CDH12: variants seen among roughly 807,000 people sequenced by gnomAD.
The protein encoded by CDH12 is cadherin 12, also known as cadherin-12.
Under a neutral mutation model 74.1 loss-of-function variants are expected in CDH12, and 41 were observed. The ratio of observed to expected loss-of-function variants is 0.55; its 90% CI spans 0.43 to 0.72. CDH12 has a LOEUF of 0.72. Among genes scored for constraint, CDH12 ranks in the 30% least tolerant of loss-of-function variants. The pLI, the probability that CDH12 is intolerant of heterozygous loss-of-function variation, is 0.00. For missense variants in CDH12, 945 were observed against 977.2 expected, an observed-to-expected ratio of 0.97 and a Z score of 0.44; for synonymous variants, 399 against 355.0, an observed-to-expected ratio of 1.12 and a Z score of -1.39.
intron 6 of CDH12, chr5:21,883,577 G>A (rs878908199): frequency 9.3e-6 from 15 of 1,605,118 alleles, no homozygotes; most frequent in South Asian, 4.4e-5. Flanking sequence ...GAGAAGAGGG[G>A]TTGACCCTGA....
chr5:22,529,478 G>C (rs1737486848), intron 1 of CDH12, among the ~76,000 whole-genome samples: 1 of 152,046 alleles, frequency 6.6e-6, no homozygotes, highest in Non-Finnish European at 1.5e-5. Flanking sequence ...CCCAGATCAA[G>C]GCAATCAAGC....
chr5:22,063,753 T>A (rs1741359549), intron 5 of CDH12, among the ~76,000 whole-genome samples: 1 of 151,866 alleles, frequency 6.6e-6, no homozygotes, highest in Admixed American at 6.6e-5. Context: ...GGACTTTGAG[T>A]AAAACAGATT....
chr5:22,214,263 G>A (rs1751708369), intron 3 of CDH12, among the ~76,000 whole-genome samples: 3 of 152,104 alleles, frequency 2.0e-5, no homozygotes, highest in African/African-American at 7.2e-5. Context: ...AGCCTCCCAT[G>A]CAGAGGTCTC....
At chr5:22,693,637 C>T (rs938611247) in intron 1 of CDH12, among the ~76,000 whole-genome samples, 2 of 151,968 alleles carry the variant, frequency 1.3e-5, no homozygotes, top group Non-Finnish European at 2.9e-5. Context: ...ACATTGTTTA[C>T]AGAGATAATG....
chr5:21,877,910 C>T (rs1752025016), intron 6 of CDH12, among the ~76,000 whole-genome samples: 1 of 152,118 alleles, frequency 6.6e-6, no homozygotes, highest in Non-Finnish European at 1.5e-5. Context: ...TGTGGAAAAT[C>T]CATTAAAATA....
intron 6 of CDH12, among the ~76,000 whole-genome samples, chr5:21,937,602 G>A (rs1242617348): frequency 6.6e-6 from 1 of 152,142 alleles, no homozygotes; most frequent in Non-Finnish European, 1.5e-5. Context: ...TCATGTATTA[G>A]GTGTCAACCA....
At chr5:22,437,551 T>TAATAAATAAATAAATA (rs61578838) in intron 2 of CDH12, among the ~76,000 whole-genome samples, 1,633 of 148,628 alleles carry the variant, frequency 0.011, 15 homozygotes, top group African/African-American at 0.015. Flanking sequence ...AATTTAAAAA[T>TAATAAATAAATAAATA]AATAAATAAA....
At chr5:22,162,781 G>T (rs1403855128) in intron 4 of CDH12, among the ~76,000 whole-genome samples, 1 of 151,944 alleles carries the variant, frequency 6.6e-6, no homozygotes, top group South Asian at 2.1e-4. Flanking sequence ...TTTAGCTGGG[G>T]CTCTGACATC....
intron 3 of CDH12, among the ~76,000 whole-genome samples, chr5:22,365,095 A>G (rs1258009018): frequency 6.6e-6 from 1 of 152,170 alleles, no homozygotes; most frequent in African/African-American, 2.4e-5. Flanking sequence ...TTTATATCAC[A>G]CTGAGAATTT....
chr5:21,802,784 G>A (rs1269789469), intron 9 of CDH12, among the ~76,000 whole-genome samples: 1 of 151,820 alleles, frequency 6.6e-6, no homozygotes, highest in African/African-American at 2.4e-5. Context: ...TAGAGACGGG[G>A]TTTCAACATG....
chr5:22,567,374 C>T (rs1739337903), intron 1 of CDH12, among the ~76,000 whole-genome samples: 1 of 152,116 alleles, frequency 6.6e-6, no homozygotes, highest in South Asian at 2.1e-4. Context: ...GCAATGTTAC[C>T]TGCTTTAAGG....
At chr5:22,339,414 T>G (rs1189167415) in intron 3 of CDH12, among the ~76,000 whole-genome samples, 2 of 152,226 alleles carry the variant, frequency 1.3e-5, no homozygotes, top group Non-Finnish European at 2.9e-5. Context: ...TTCAGTTAAG[T>G]GCTTAAAGCA....
chr5:22,418,959 G>C (rs1246949370), intron 2 of CDH12, among the ~76,000 whole-genome samples: 1 of 152,086 alleles, frequency 6.6e-6, no homozygotes. Flanking sequence ...CTAGTTTATT[G>C]AGAGTTTTTA....
chr5:22,034,192 G>A (rs1201797164), intron 5 of CDH12, among the ~76,000 whole-genome samples: 1 of 152,094 alleles, frequency 6.6e-6, no homozygotes, highest in Admixed American at 6.6e-5. Flanking sequence ...GCACCACCAT[G>A]CCTGGATAAT....
intron 3 of CDH12, among the ~76,000 whole-genome samples, chr5:22,371,278 A>T (rs1371284300): frequency 6.6e-6 from 1 of 152,192 alleles, no homozygotes; most frequent in African/African-American, 2.4e-5. Flanking sequence ...AAGTACAAAG[A>T]TTGTCAAATA....
intron 1 of CDH12, among the ~76,000 whole-genome samples, chr5:22,836,801 T>C (rs1372529441): frequency 3.3e-5 from 5 of 152,166 alleles, no homozygotes; most frequent in African/African-American, 1.2e-4. Flanking sequence ...CTACAATGAA[T>C]ACTGTAACTA....
At chr5:22,494,091 G>A (rs758957170) in intron 2 of CDH12, among the ~76,000 whole-genome samples, 1 of 152,316 alleles carries the variant, frequency 6.6e-6, no homozygotes, top group Middle Eastern at 3.4e-3. Flanking sequence ...ACTGTATATG[G>A]TCGAGCATGG....
At chr5:22,379,885 T>C (rs1198805244) in intron 3 of CDH12, among the ~76,000 whole-genome samples, 1 of 152,160 alleles carries the variant, frequency 6.6e-6, no homozygotes, top group Non-Finnish European at 1.5e-5. Context: ...TTCCAAGTAA[T>C]TAGAATTACT....
At chr5:21,875,927 C>T (rs1408123630) in intron 6 of CDH12, among the ~76,000 whole-genome samples, 12 of 144,460 alleles carry the variant, frequency 8.3e-5, no homozygotes, top group East Asian at 2.1e-4. Context: ...AACGGAGTCT[C>T]GCTCTCTCTC....
Sources: gnomAD v4.1 joint callset for allele counts (sites outside exome capture counted in the v4.1 genomes callset) on GRCh38, gnomAD v4.1.1 for gene constraint, MANE v1.5 for transcripts, NCBI Gene and HGNC (gene_info 2026-07-23, HGNC 2026-07-21) for gene names.